The following RIMBP2 variants were observed in gnomAD, a reference collection of about 807,000 sequenced individuals.
The protein encoded by RIMBP2 is RIMS-binding protein 2.
RIMBP2 carries 48 observed loss-of-function variants against 118.6 expected under a neutral mutation model. That is an observed-to-expected ratio of 0.40 (90% CI 0.32 to 0.51). The LOEUF (loss-of-function observed/expected upper bound fraction) is 0.51, where lower values mean the gene tolerates loss of function less well. RIMBP2 is among the 20% of genes least tolerant of loss of function. The probability of loss-of-function intolerance (pLI) is 0.41; values close to 1 mark genes in which losing one functional copy is unlikely to be tolerated. For missense variants in RIMBP2, 1,551 were observed against 1,768.3 expected (o/e 0.88, Z 2.20); for synonymous variants, 762 against 742.9 (o/e 1.03, Z -0.42).
intron 1 of RIMBP2, among the ~76,000 whole-genome samples, chr12:130,705,274 C>G (rs928272212): frequency 6.6e-6 from 1 of 152,230 alleles, no homozygotes; most frequent in Admixed American, 6.5e-5. Context: ...AATATTCCCA[C>G]TGGTGAAAAG....
intron 16 of RIMBP2, among the ~76,000 whole-genome samples, chr12:130,423,316 T>G (rs917259856): frequency 6.6e-6 from 1 of 152,172 alleles, no homozygotes; most frequent in African/African-American, 2.4e-5. Flanking sequence ...CAGGGGAGGC[T>G]GCGGGCTGCC....
chr12:130,397,267 T>C lies in RIMBP2; in HGVS notation c.*94A>G, dbSNP rs989867437. 5 of 396,194 alleles carry C rather than the reference T, an allele frequency of 1.3e-5. No homozygotes were observed. Among genetic ancestry groups the C allele is most frequent in the Middle Eastern group, 6.3e-4 (1 of 1,596 alleles). The allele number at this position is 396,194 out of a possible 1,614,324, so 24.5% of individuals were successfully genotyped here. ...TCTCTACTGGTGTCAGGGGAGAAGA[T>C]TGGGTTTTTTTAGGAAGTACTTGAG... On this transcript the variant is annotated 3_prime_UTR_variant, in exon 23 of 23. Transcript: ENST00000690449.
At chr12:130,587,016 A>T in intron 2 of RIMBP2, among the ~76,000 whole-genome samples, 1 of 97,614 alleles carries the variant, frequency 1.0e-5, no homozygotes, top group Admixed American at 1.2e-4. Flanking sequence ...AAAGTGGGCG[A>T]AGGACATGAA....
rs1488760750 is a variant in RIMBP2 at position 130,442,559 on chromosome 12, C to G, written c.793G>C (p.Asp265His). The G allele has an allele frequency of 2.5e-6, 4 of 1,614,032 alleles. No individual in the cohort carries two copies. Among genetic ancestry groups the G allele is most frequent in the Admixed American group, 1.7e-5 (1 of 59,998 alleles). ...CCGGAATGGTTGATGAAGTTCTGAT[C>G]CTGCTCGTTCCCCAGCGTGCTTGCC... is the stretch of plus-strand genomic sequence containing the variant. ...RLASTLGNEQ[D>H]QNFINHSGIG... is the part of the protein sequence containing the mutation. Residue 265 changes from aspartate to histidine, a missense_variant, in exon 11 of 23, where the codon GAT (aspartate) becomes CAT (histidine). By Grantham distance (81) the Asp-to-His change is moderately conservative. Transcript: ENST00000690449. The surrounding 1 kb of genome is among the most constrained non-coding windows in gnomAD (Gnocchi z 6.9).
intron 1 of RIMBP2, among the ~76,000 whole-genome samples, chr12:130,663,401 T>G (rs1038643904): frequency 2.0e-5 from 3 of 148,110 alleles, no homozygotes; most frequent in Non-Finnish European, 4.4e-5. Flanking sequence ...TGATTTCAAC[T>G]AGGCAAGTTC....
intron 2 of RIMBP2, among the ~76,000 whole-genome samples, chr12:130,592,002 G>C (rs929497554): frequency 6.6e-6 from 1 of 152,208 alleles, no homozygotes; most frequent in Non-Finnish European, 1.5e-5. Flanking sequence ...GAGGAGGCCT[G>C]TTGGGCGGAA....
At chr12:130,439,244 GTATGTA>G (rs2077815284) in intron 11 of RIMBP2, among the ~76,000 whole-genome samples, 1 of 151,902 alleles carries the variant, frequency 6.6e-6, no homozygotes, top group East Asian at 1.9e-4. Context: ...GTATATGTAT[GTATGTA>G]TATGTACATG....
At chr12:130,674,809 C>T (rs915699418) in intron 1 of RIMBP2, among the ~76,000 whole-genome samples, 11 of 152,048 alleles carry the variant, frequency 7.2e-5, no homozygotes, top group South Asian at 2.1e-4. Flanking sequence ...GCATGCTTTC[C>T]GTCTGTGTGG....
chr12:130,607,623 G>A (rs1232739605), intron 2 of RIMBP2, among the ~76,000 whole-genome samples: 2 of 151,816 alleles, frequency 1.3e-5, no homozygotes, highest in East Asian at 1.9e-4. Flanking sequence ...CCTCACCGGC[G>A]ACTGTTTCTC....
In RIMBP2 at chr12:130,397,173, G is replaced by A; in HGVS notation, c.*188C>T. The A allele has an allele frequency of 2.8e-6, 1 of 358,478 alleles. No homozygotes were observed. The highest frequency in any genetic ancestry group is 5.0e-6 in the Non-Finnish European group (1 of 201,126). The allele number at this position is 358,478 out of a possible 1,614,324, so 22.2% of individuals were successfully genotyped here. A position where few individuals can be genotyped will look rare whatever the true frequency, so the allele number is the denominator to read the frequency against. ...ACAATGAGAGCAGACTGCCAGCGGT[G>A]ACAGAGAGCAACCGCTCCTCTTTGT... On this transcript the variant is annotated 3_prime_UTR_variant, in exon 23 of 23. Coordinates refer to ENST00000690449, the MANE Select transcript of RIMBP2 (RefSeq NM_001393629.1).
intron 16 of RIMBP2, among the ~76,000 whole-genome samples, chr12:130,423,206 A>G (rs2076524493): frequency 1.3e-5 from 2 of 152,216 alleles, no homozygotes; most frequent in Non-Finnish European, 2.9e-5. Flanking sequence ...TCTTCTTGCT[A>G]GTAAGTAAAT....
chr12:130,604,532 G>A (rs1471839655), intron 2 of RIMBP2, among the ~76,000 whole-genome samples: 3 of 144,424 alleles, frequency 2.1e-5, no homozygotes, highest in African/African-American at 2.6e-5. Flanking sequence ...AGCAACTTCC[G>A]GGCCTGCAAG....
At chr12:130,689,070 T>C (rs1594206210) in intron 1 of RIMBP2, among the ~76,000 whole-genome samples, 1 of 152,210 alleles carries the variant, frequency 6.6e-6, no homozygotes, top group Non-Finnish European at 1.5e-5. Flanking sequence ...GAAACACTGA[T>C]TGATACACCA....
chr12:130,569,804 A>C (rs1194408929), intron 2 of RIMBP2, among the ~76,000 whole-genome samples: 2 of 152,206 alleles, frequency 1.3e-5, no homozygotes, highest in Non-Finnish European at 2.9e-5. Flanking sequence ...CAGAACCATG[A>C]GCCCATTAAA....
intron 4 of RIMBP2, among the ~76,000 whole-genome samples, chr12:130,494,900 CA>C (rs1405430965): frequency 6.6e-6 from 1 of 152,200 alleles, no homozygotes; most frequent in Non-Finnish European, 1.5e-5. Context: ...GGCTGAAATC[CA>C]GGTGTCGGCA....
At chr12:130,590,908 T>C (rs2073673436) in intron 2 of RIMBP2, among the ~76,000 whole-genome samples, 2 of 152,072 alleles carry the variant, frequency 1.3e-5, no homozygotes, top group South Asian at 4.1e-4. Flanking sequence ...CGAACTTCCG[T>C]GAGGAAGCGG....
At chr12:130,715,032 C>T (rs888856715) in intron 1 of RIMBP2, among the ~76,000 whole-genome samples, 3 of 152,222 alleles carry the variant, frequency 2.0e-5, no homozygotes, top group African/African-American at 7.2e-5. Context: ...AGCAGCCTGG[C>T]CTGCCGCAGG....
At chr12:130,439,730 GGT>G (rs754728081) in intron 11 of RIMBP2, among the ~76,000 whole-genome samples, 1 of 116,158 alleles carries the variant, frequency 8.6e-6, no homozygotes, top group Non-Finnish European at 1.8e-5. Context: ...GGTGTTTGTG[GGT>G]GTGTGTATGT....
At position 130,437,617 on chromosome 12, in the gene RIMBP2, C is replaced by T. The variant is rs572998437; in HGVS notation, c.1657-326G>A. Among the ~76,000 whole-genome samples, 3 of 152,292 alleles carry T rather than the reference C, an allele frequency of 2.0e-5. No homozygotes were observed. The South Asian group carries it at 6.2e-4, about 32-fold the overall frequency. Reference sequence around the variant, plus strand: ...AGGGGAGTGAGTGTCAGGTTTATTACCACCACAGCTGGAGGGAAGAGAGGG... The same window carrying T: ...AGGGGAGTGAGTGTCAGGTTTATTATCACCACAGCTGGAGGGAAGAGAGGG... On this transcript the variant is annotated intron_variant, in intron 12 of 22. Coordinates refer to ENST00000690449, the MANE Select transcript of RIMBP2 (RefSeq NM_001393629.1).
Sources: allele counts gnomAD v4.1 joint callset (sites outside exome capture counted in the v4.1 genomes callset), GRCh38; gene constraint gnomAD v4.1.1; non-coding constraint Gnocchi (gnomAD v3.1); transcripts MANE v1.5; gene names NCBI Gene and HGNC (gene_info 2026-07-23, HGNC 2026-07-21).